PTPN4: variants seen among roughly 807,000 people sequenced by gnomAD.
PTPN4 encodes the protein protein tyrosine phosphatase non-receptor type 4, also known as tyrosine-protein phosphatase non-receptor type 4.
A neutral mutation model predicts 135.5 loss-of-function variants in PTPN4; 49 were observed. The observed-to-expected ratio is 0.36, with a 90% CI of 0.29 to 0.46. PTPN4 has a LOEUF of 0.46. Among genes scored for constraint, PTPN4 ranks in the 20% least tolerant of loss-of-function variants. The pLI is 1.00. For synonymous variants in PTPN4, 333 were observed against 369.9 expected, an observed-to-expected ratio of 0.90 and a Z score of 1.14; for missense variants, 860 against 1,101.0, an observed-to-expected ratio of 0.78 and a Z score of 3.10.
intron 1 of PTPN4, among the ~76,000 whole-genome samples, chr2:119,809,015 T>G (rs1691532168): frequency 6.6e-6 from 1 of 152,166 alleles, no homozygotes; most frequent in South Asian, 2.1e-4. Context: ...TTCCTTTACC[T>G]AATTGTCTTT....
chr2:119,846,906 A>G (rs185119012), intron 2 of PTPN4, among the ~76,000 whole-genome samples: 177 of 151,260 alleles, frequency 1.2e-3, no homozygotes, highest in African/African-American at 4.1e-3. Context: ...TTCTTGTGCT[A>G]TTATTCTTAT....
intron 10 of PTPN4, among the ~76,000 whole-genome samples, chr2:119,903,475 C>T (rs527271040): frequency 3.4e-4 from 51 of 151,998 alleles, no homozygotes; most frequent in Non-Finnish European, 6.6e-4. Context: ...AAGGGCCTGA[C>T]GATAGATGTG....
intron 1 of PTPN4, among the ~76,000 whole-genome samples, chr2:119,785,406 G>A (rs1691030045): frequency 6.6e-6 from 1 of 152,060 alleles, no homozygotes. Flanking sequence ...GCTGATATAG[G>A]TTATCCTTAA....
intron 2 of PTPN4, among the ~76,000 whole-genome samples, chr2:119,862,092 T>G (rs892562854): frequency 3.3e-5 from 5 of 152,228 alleles, no homozygotes; most frequent in African/African-American, 1.2e-4. Flanking sequence ...TATAGATATA[T>G]GCATGAGTTA....
At chr2:119,877,629 G>A (rs3768914) in intron 5 of PTPN4, 87 bp downstream of exon 5, 449,199 of 1,441,710 alleles carry the variant, frequency 0.31, 72,214 homozygotes, top group African/African-American at 0.46. Context: ...AGAAATTACT[G>A]TGGTGTAATT....
chr2:119,806,927 C>A (rs1001512628), intron 1 of PTPN4, among the ~76,000 whole-genome samples: 1 of 152,212 alleles, frequency 6.6e-6, no homozygotes, highest in Non-Finnish European at 1.5e-5. Flanking sequence ...AAGAAACTCA[C>A]ACAAAACCAC....
intron 10 of PTPN4, among the ~76,000 whole-genome samples, chr2:119,904,161 C>T (rs1678450167): frequency 6.6e-6 from 1 of 151,084 alleles, no homozygotes; most frequent in African/African-American, 2.4e-5. Flanking sequence ...GACAGCTTGA[C>T]AATACAGAGA....
chr2:119,849,062 TTCTA>T (rs1408237969), intron 2 of PTPN4, among the ~76,000 whole-genome samples: 2 of 152,248 alleles, frequency 1.3e-5, no homozygotes, highest in Non-Finnish European at 2.9e-5. Context: ...GTTTTATAAT[TTCTA>T]TCTCTTTATA....
intron 11 of PTPN4, chr2:119,915,743 C>A (rs1184567035): frequency 6.6e-6 from 1 of 152,138 alleles, no homozygotes; most frequent in Non-Finnish European, 1.5e-5. Context: ...GAAATAATTT[C>A]ATCTTGTTAA....
In PTPN4 at chr2:119,977,276, C is replaced by A; in HGVS notation, c.*206C>A. The A allele has an allele frequency of 1.2e-6, 1 of 824,958 alleles. No individual in the cohort carries two copies. 51.1% of individuals were successfully genotyped at this position (824,958 alleles called of 1,614,324 possible). A position where few individuals can be genotyped will look rare whatever the true frequency, so the allele number is the denominator to read the frequency against. ...TAACTCATGTATTTGAAGACTGTTT[C>A]ATGCTTTGCTCCGAACAAATAGTAA... On this transcript the variant is annotated 3_prime_UTR_variant, in exon 27 of 27. Transcript: ENST00000263708.
At chr2:119,953,147 T>C (rs568237542) in intron 19 of PTPN4, among the ~76,000 whole-genome samples, 2 of 152,326 alleles carry the variant, frequency 1.3e-5, no homozygotes, top group Admixed American at 6.5e-5. Flanking sequence ...AAAAGTTTTA[T>C]ATGTCTAATA....
At chr2:119,867,783 G>A (rs1042835235) in intron 3 of PTPN4, among the ~76,000 whole-genome samples, 2 of 152,158 alleles carry the variant, frequency 1.3e-5, no homozygotes, top group Non-Finnish European at 2.9e-5. Flanking sequence ...TTGAGACCTT[G>A]CTAATACACA....
At position 119,862,553 on chromosome 2, in the gene PTPN4, A is replaced by G. The variant is rs752953985; in HGVS notation, c.156A>G (p.Gln52=). ...TTTTACAGAAACATGATCAGGGGCA[A>G]GTCTTGTTGGATGTCGTCTTCAAGC... ...AFKVNKHDQG[Q]VLLDVVFKHL... Residue 52 remains glutamine (Q), a synonymous_variant, in exon 3 of 27, where the codon CAA becomes CAG. Coordinates refer to ENST00000263708, the MANE Select transcript of PTPN4 (RefSeq NM_002830.4). 3 of 1,611,242 alleles carry G rather than the reference A, an allele frequency of 1.9e-6. No individual in the cohort carries two copies. Among genetic ancestry groups the G allele is most frequent in the Non-Finnish European group, 2.5e-6 (3 of 1,178,760 alleles).
chr2:119,957,832 A>C (rs1679310837), intron 22 of PTPN4, among the ~76,000 whole-genome samples: 1 of 152,060 alleles, frequency 6.6e-6, no homozygotes, highest in African/African-American at 2.4e-5. Flanking sequence ...TAAATACTTT[A>C]CCTCTACTCA....
At chr2:119,956,211 T>A (rs1478196861) in intron 20 of PTPN4, among the ~76,000 whole-genome samples, 1 of 150,596 alleles carries the variant, frequency 6.6e-6, no homozygotes, top group Admixed American at 6.6e-5. Flanking sequence ...TATATCAACC[T>A]AATTTGTTTA....
At chr2:119,964,049 A>G (rs1574423944) in intron 24 of PTPN4, among the ~76,000 whole-genome samples, 1 of 152,230 alleles carries the variant, frequency 6.6e-6, no homozygotes, top group South Asian at 2.1e-4. Context: ...GATTAATGAT[A>G]GCAGATACTA....
At chr2:119,931,184 G>C (rs938153942) in intron 13 of PTPN4, among the ~76,000 whole-genome samples, 8 of 152,016 alleles carry the variant, frequency 5.3e-5, no homozygotes, top group Admixed American at 5.2e-4. Context: ...CTGTTTACAA[G>C]ATGATTTATT....
At chr2:119,788,705 G>A (rs1172770732) in intron 1 of PTPN4, among the ~76,000 whole-genome samples, 1 of 152,132 alleles carries the variant, frequency 6.6e-6, no homozygotes, top group African/African-American at 2.4e-5. Flanking sequence ...TGGCGTATTT[G>A]ACTTAGCATA....
At chr2:119,920,497 C>A (rs1678720738) in intron 12 of PTPN4, among the ~76,000 whole-genome samples, 1 of 152,114 alleles carries the variant, frequency 6.6e-6, no homozygotes, top group South Asian at 2.1e-4. Flanking sequence ...ACTACATTTA[C>A]TTATTTACAA....
Sources: allele counts gnomAD v4.1 joint callset (sites outside exome capture counted in the v4.1 genomes callset), GRCh38; gene constraint gnomAD v4.1.1; transcripts MANE v1.5; gene names NCBI Gene and HGNC (gene_info 2026-07-23, HGNC 2026-07-21).